The following EXOC6 variants were observed in gnomAD, a reference collection of about 807,000 sequenced individuals.
EXOC6 encodes the protein SEC15-like 1.
EXOC6 carries 60 observed loss-of-function variants against 112.5 expected under a neutral mutation model. The observed-to-expected ratio is 0.53, with a 90% CI of 0.43 to 0.66. The LOEUF is 0.66. Ranked by LOEUF, EXOC6 falls within the 30% of genes least tolerant of loss-of-function variation. EXOC6 has a pLI of 0.00. For missense variants in EXOC6, 855 were observed against 957.1 expected, an observed-to-expected ratio of 0.89 and a Z score of 1.41; for synonymous variants, 295 against 308.0, an observed-to-expected ratio of 0.96 and a Z score of 0.44.
At chr10:92,846,177 G>C (rs1230114877), upstream of EXOC6, among the ~76,000 whole-genome samples, 2 of 152,236 alleles carry the variant, frequency 1.3e-5, no homozygotes, top group Admixed American at 6.5e-5. Flanking sequence ...TGTTGAAACA[G>C]GGCTGGCCTG....
chr10:92,955,795 G>A lies in EXOC6; in HGVS notation c.1773+81G>A. On this transcript the variant is annotated intron_variant, in intron 17 of 21. Transcript: ENST00000260762. The stretch of plus-strand genomic sequence containing the variant: ...GAAATTAAAGACCGTTCTTATATAT[G>A]CAAGATCTACTATATTCCTAAAAAT... The A allele has an allele frequency of 2.4e-6, 3 of 1,274,386 alleles. No individual in the cohort carries two copies. In the South Asian group the frequency reaches 4.5e-5, roughly 19 times the overall value. The allele number at this position is 1,274,386 out of a possible 1,614,324, so 78.9% of individuals were successfully genotyped here. A position where few individuals can be genotyped will look rare whatever the true frequency, so the allele number is the denominator to read the frequency against.
chr10:92,924,665 G>C (rs1851610491), intron 8 of EXOC6, among the ~76,000 whole-genome samples: 1 of 152,126 alleles, frequency 6.6e-6, no homozygotes, highest in Non-Finnish European at 1.5e-5. Flanking sequence ...ATTAATAGGG[G>C]TGCATTTTTT....
chr10:92,994,276 G>T (rs1843385183), intron 18 of EXOC6, among the ~76,000 whole-genome samples: 1 of 152,150 alleles, frequency 6.6e-6, no homozygotes, highest in Non-Finnish European at 1.5e-5. Flanking sequence ...GACCCTTTGG[G>T]AATTTCCTAG....
chr10:92,987,625 G>A (rs904375551), intron 18 of EXOC6: 1 of 985,018 alleles, frequency 1.0e-6, no homozygotes, highest in African/African-American at 1.7e-5. Flanking sequence ...TAACAACAAT[G>A]ATCATGCAGC....
At chr10:92,851,935 G>T (rs952004208) in intron 1 of EXOC6, among the ~76,000 whole-genome samples, 1 of 152,098 alleles carries the variant, frequency 6.6e-6, no homozygotes, top group Non-Finnish European at 1.5e-5. Context: ...AAGTGTGGTG[G>T]TGTGTGCCTG....
At chr10:93,051,147 CTTTT>C (rs5787032) in intron 20 of EXOC6, among the ~76,000 whole-genome samples, 2 of 146,928 alleles carry the variant, frequency 1.4e-5, no homozygotes, top group Non-Finnish European at 3.0e-5. Context: ...CTGTATTCCT[CTTTT>C]TTTTTTTTCA....
intron 15 of EXOC6, among the ~76,000 whole-genome samples, chr10:92,952,657 T>A (rs146759586): frequency 6.6e-6 from 1 of 152,206 alleles, no homozygotes; most frequent in African/African-American, 2.4e-5. Context: ...CATCCATGTG[T>A]ACCTAGTGTT....
At chr10:92,915,176 C>T (rs1425205175) in intron 6 of EXOC6, among the ~76,000 whole-genome samples, 1 of 152,076 alleles carries the variant, frequency 6.6e-6, no homozygotes, top group African/African-American at 2.4e-5. Flanking sequence ...GAGTGTTGGC[C>T]AGTCCCCCTT....
intron 17 of EXOC6, among the ~76,000 whole-genome samples, chr10:92,961,344 G>T (rs1006491174): frequency 7.9e-5 from 12 of 151,946 alleles, no homozygotes; most frequent in Non-Finnish European, 1.6e-4. Context: ...TATTTCTTTT[G>T]TCATCCTTTA....
chr10:92,940,168 C>G (rs1285839044), intron 12 of EXOC6, among the ~76,000 whole-genome samples: 1 of 152,018 alleles, frequency 6.6e-6, no homozygotes, highest in Non-Finnish European at 1.5e-5. Flanking sequence ...CTTGGAGAGA[C>G]AAGTGGAGAA....
At chr10:93,023,580 T>C (rs1844883240) in intron 20 of EXOC6, among the ~76,000 whole-genome samples, 1 of 152,190 alleles carries the variant, frequency 6.6e-6, no homozygotes, top group African/African-American at 2.4e-5. Flanking sequence ...TGAATATGAT[T>C]TGTTCGTGTA....
At chr10:93,036,235 A>C (rs1256968604) in intron 20 of EXOC6, among the ~76,000 whole-genome samples, 1 of 152,046 alleles carries the variant, frequency 6.6e-6, no homozygotes, top group Non-Finnish European at 1.5e-5. Flanking sequence ...AAAAAAGAAA[A>C]AAAAGAGAAA....
At chr10:92,916,434 C>G (rs1237398537) in intron 7 of EXOC6, among the ~76,000 whole-genome samples, 2 of 152,128 alleles carry the variant, frequency 1.3e-5, no homozygotes, top group Non-Finnish European at 2.9e-5. Context: ...TGCTTGAACC[C>G]AGGAGGTGGA....
intron 12 of EXOC6, 148 bp downstream of exon 12, chr10:92,936,033 C>T (rs188924248): frequency 1.8e-6 from 1 of 565,596 alleles, no homozygotes; most frequent in African/African-American, 2.0e-5. Context: ...TGCTATTACC[C>T]AGGACTATTC....
intron 18 of EXOC6, among the ~76,000 whole-genome samples, chr10:92,976,148 G>T (rs919619798): frequency 2.0e-5 from 3 of 151,662 alleles, no homozygotes; most frequent in Admixed American, 6.6e-5. Flanking sequence ...CCCCTCTGCC[G>T]GGCCACCACC....
intron 15 of EXOC6, among the ~76,000 whole-genome samples, chr10:92,953,523 A>G (rs1365140343): frequency 3.3e-5 from 5 of 152,180 alleles, no homozygotes; most frequent in African/African-American, 7.2e-5. Context: ...ATGTCTAGAA[A>G]CATCTTTGGT....
intron 1 of EXOC6, among the ~76,000 whole-genome samples, chr10:92,855,667 A>C (rs1043750555): frequency 2.0e-5 from 3 of 151,922 alleles, no homozygotes; most frequent in African/African-American, 7.3e-5. Flanking sequence ...TGTTTCATTT[A>C]GATTATTTTA....
At position 92,848,589 on chromosome 10, in the gene EXOC6, A is replaced by G; in HGVS notation, c.56A>G (p.Gln19Arg). 4 of 1,453,588 alleles carry G rather than the reference A, an allele frequency of 2.8e-6. No homozygotes were observed. The highest frequency in any genetic ancestry group is 3.7e-6 in the Non-Finnish European group (4 of 1,086,214). The allele number at this position is 1,453,588 out of a possible 1,614,324, so 90.0% of individuals were successfully genotyped here. A position where few individuals can be genotyped will look rare whatever the true frequency, so the allele number is the denominator to read the frequency against. ...GTCCCCGAGCACGAGCGGATCTTGCAGGAGATCGAGAGCACCGACACCGCC... is the reference window on the plus strand; with the variant it reads ...GTCCCCGAGCACGAGCGGATCTTGCGGGAGATCGAGAGCACCGACACCGCC... ...GTVPEHERIL[Q>R]EIESTDTACV... is the part of the protein sequence containing the mutation. The change falls in exon 1 of 22, where the codon CAG becomes CGG. Residue 19 changes from glutamine (Q) to arginine (R), a missense_variant. Physicochemically the swap from Gln to Arg is conservative, Grantham distance 43 (BLOSUM62 1). Around this residue, in one of 2 missense-constraint regions of EXOC6, gnomAD observed 405 missense variants for 393.6 expected, o/e 1.03. Coordinates refer to ENST00000260762, the MANE Select transcript of EXOC6 (RefSeq NM_019053.6).
rs148754509 is a variant in EXOC6, at chr10:92,987,666, A to G, written c.1954-9808A>G. 896 of 971,614 alleles carry G rather than the reference A, an allele frequency of 9.2e-4. 9 individuals are homozygous for G. The African/African-American group carries it at 0.015, about 16-fold the overall frequency. The allele number at this position is 971,614 out of a possible 1,614,324, so 60.2% of individuals were successfully genotyped here. On this transcript the variant is annotated intron_variant, in intron 18 of 21. Transcript: ENST00000260762. ...CGGTAAGTAGATATAAACTAAAGCT[A>G]GCATGTACATTAGAAAATAATGAAT...
Sources: gnomAD v4.1 joint callset for allele counts (sites outside exome capture counted in the v4.1 genomes callset) on GRCh38, gnomAD v4.1.1 for gene constraint, gnomAD v4.1.1 regional missense constraint, MANE v1.5 for transcripts, NCBI Gene and HGNC (gene_info 2026-07-23, HGNC 2026-07-21) for gene names.